TMEM132D: variants seen among roughly 807,000 people sequenced by gnomAD.
The protein encoded by TMEM132D is transmembrane protein 132D, also known as mature OL transmembrane protein.
In TMEM132D, 21 loss-of-function variants were observed where a neutral mutation model predicts 62.3. The ratio of observed to expected loss-of-function variants is 0.34; its 90% CI spans 0.24 to 0.49. The LOEUF is 0.49. Ranked by LOEUF, TMEM132D falls within the 20% of genes least tolerant of loss-of-function variation. The pLI, the probability that TMEM132D is intolerant of heterozygous loss-of-function variation, is 0.99. For missense variants in TMEM132D, 1,346 were observed against 1,402.8 expected (o/e 0.96, Z 0.65); for synonymous variants, 621 against 575.6 (o/e 1.08, Z -1.13).
chr12:129,420,850 C>T (rs959504829), intron 3 of TMEM132D, among the ~76,000 whole-genome samples: 5 of 152,070 alleles, frequency 3.3e-5, no homozygotes, highest in Non-Finnish European at 4.4e-5. Context: ...TTTTGTGTTT[C>T]CAATACAATT....
chr12:129,120,437 C>T (rs1876022943), intron 5 of TMEM132D, among the ~76,000 whole-genome samples: 1 of 152,246 alleles, frequency 6.6e-6, no homozygotes, highest in South Asian at 2.1e-4. Flanking sequence ...AGTGTAAGTC[C>T]AGTCTAATCA....
At chr12:129,191,873 A>G (rs963936349) in intron 5 of TMEM132D, among the ~76,000 whole-genome samples, 1 of 152,150 alleles carries the variant, frequency 6.6e-6, no homozygotes, top group African/African-American at 2.4e-5. Context: ...AATCTCCAGC[A>G]CTCTGATCAG....
chr12:129,820,028 G>T (rs989064190), intron 1 of TMEM132D, among the ~76,000 whole-genome samples: 65 of 152,058 alleles, frequency 4.3e-4, no homozygotes, highest in Non-Finnish European at 3.5e-4. Flanking sequence ...TCCATGAAAA[G>T]CTCAGCACCT....
At chr12:129,612,604 A>T (rs1300229124) in intron 2 of TMEM132D, among the ~76,000 whole-genome samples, 4 of 151,224 alleles carry the variant, frequency 2.6e-5, no homozygotes, top group Non-Finnish European at 5.9e-5. Context: ...TAATCTATTA[A>T]TTATACCCAG....
At chr12:129,772,678 G>C (rs1870795433) in intron 1 of TMEM132D, among the ~76,000 whole-genome samples, 1 of 152,196 alleles carries the variant, frequency 6.6e-6, no homozygotes, top group African/African-American at 2.4e-5. Flanking sequence ...ACAGCATCTA[G>C]ATGTTTCTAA....
intron 2 of TMEM132D, among the ~76,000 whole-genome samples, chr12:129,625,614 C>T (rs1393822996): frequency 6.6e-6 from 1 of 152,172 alleles, no homozygotes; most frequent in Non-Finnish European, 1.5e-5. Flanking sequence ...AGTGCACAGA[C>T]CAGCAAAACA....
chr12:129,494,067 C>A (rs1399914508), intron 3 of TMEM132D, among the ~76,000 whole-genome samples: 4 of 152,160 alleles, frequency 2.6e-5, no homozygotes, highest in African/African-American at 9.7e-5. Context: ...GAAAAGTGAG[C>A]ATCCACGAAC....
intron 1 of TMEM132D, among the ~76,000 whole-genome samples, chr12:129,816,934 C>G (rs1872363464): frequency 6.6e-6 from 1 of 152,136 alleles, no homozygotes; most frequent in African/African-American, 2.4e-5. Flanking sequence ...CCATATTTTC[C>G]TATTCAAATA....
chr12:129,693,561 T>G (rs958959545), intron 2 of TMEM132D, among the ~76,000 whole-genome samples: 3 of 152,082 alleles, frequency 2.0e-5, no homozygotes, highest in African/African-American at 7.2e-5. Context: ...AGACCCAGCC[T>G]CAGCGCGGTG....
chr12:129,265,571 C>T (rs988965360), intron 4 of TMEM132D, among the ~76,000 whole-genome samples: 3 of 152,206 alleles, frequency 2.0e-5, no homozygotes, highest in East Asian at 2.0e-4. Context: ...TGGCTGCGCA[C>T]GGAGGGTCCT....
intron 4 of TMEM132D, among the ~76,000 whole-genome samples, chr12:129,331,894 G>T (rs1869115515): frequency 6.6e-6 from 1 of 152,154 alleles, no homozygotes; most frequent in African/African-American, 2.4e-5. Flanking sequence ...TCACTACAAA[G>T]GGGACTCCAA....
rs528964550 is a variant in TMEM132D, at chr12:129,507,037, G to T, written c.1115+24022C>A. Among the ~76,000 whole-genome samples, 5 of 152,154 alleles carry T rather than the reference G, an allele frequency of 3.3e-5. No homozygotes were observed. The East Asian group carries it at 5.8e-4, about 18-fold the overall frequency. On this transcript the variant is annotated intron_variant, in intron 3 of 8. Transcript: ENST00000422113. ...AAAAAACAAACAATCCCATCAAAAA[G>T]TGGGCTAAGGACATGAATAGAAAAT...
intron 5 of TMEM132D, among the ~76,000 whole-genome samples, chr12:129,100,833 A>G (rs1027787309): frequency 3.9e-5 from 6 of 152,234 alleles, no homozygotes; most frequent in Non-Finnish European, 8.8e-5. Context: ...AGGTCAATTT[A>G]CAACTAAACC....
At chr12:129,805,255 C>T (rs1871941133) in intron 1 of TMEM132D, among the ~76,000 whole-genome samples, 1 of 152,034 alleles carries the variant, frequency 6.6e-6, no homozygotes, top group Admixed American at 6.5e-5. Flanking sequence ...GCCAAAAGAA[C>T]AAAGCTGGAG....
intron 3 of TMEM132D, among the ~76,000 whole-genome samples, chr12:129,466,029 C>G (rs1390292883): frequency 1.3e-5 from 2 of 152,146 alleles, no homozygotes; most frequent in Non-Finnish European, 2.9e-5. Flanking sequence ...ATCTACGGCA[C>G]AGGATTAATG....
intron 2 of TMEM132D, among the ~76,000 whole-genome samples, chr12:129,535,172 G>A (rs1876346288): frequency 6.6e-6 from 1 of 152,142 alleles, no homozygotes; most frequent in South Asian, 2.1e-4. Context: ...CTGTGCTCAT[G>A]ACCATCCCAG....
At chr12:129,723,895 C>A (rs963945057) in intron 1 of TMEM132D, among the ~76,000 whole-genome samples, 4 of 152,202 alleles carry the variant, frequency 2.6e-5, no homozygotes, top group African/African-American at 9.6e-5. Context: ...CTGCATAACG[C>A]CTGCCCTCCA....
chr12:129,631,776 G>C (rs1879351091), intron 2 of TMEM132D, among the ~76,000 whole-genome samples: 1 of 152,120 alleles, frequency 6.6e-6, no homozygotes, highest in African/African-American at 2.4e-5. Flanking sequence ...ATACCTTTTT[G>C]ATTGACAACC....
intron 3 of TMEM132D, among the ~76,000 whole-genome samples, chr12:129,436,748 T>C (rs1872797374): frequency 1.3e-5 from 2 of 152,198 alleles, no homozygotes; most frequent in South Asian, 2.1e-4. Context: ...AAACCAAGTG[T>C]GTGCGTTTGT....
Sources: gnomAD v4.1 joint callset for allele counts (sites outside exome capture counted in the v4.1 genomes callset) on GRCh38, gnomAD v4.1.1 for gene constraint, MANE v1.5 for transcripts, NCBI Gene and HGNC (gene_info 2026-07-23, HGNC 2026-07-21) for gene names.